PLCB1: variants seen among roughly 807,000 people sequenced by gnomAD.
PLCB1 encodes 1-phosphatidylinositol 4,5-bisphosphate phosphodiesterase beta-1.
Under a neutral mutation model 161.8 loss-of-function variants are expected in PLCB1, and 46 were observed. That is an observed-to-expected ratio of 0.28 (90% CI 0.22 to 0.36). The LOEUF (loss-of-function observed/expected upper bound fraction) is 0.36. PLCB1 is among the 10% of genes least tolerant of loss of function. PLCB1 has a pLI of 1.00. For synonymous variants in PLCB1, 517 were observed against 503.7 expected (o/e 1.03, Z -0.35); for missense variants, 1,016 against 1,472.5 (o/e 0.69, Z 5.07).
At chr20:8,209,943 T>A (rs148072283) in intron 2 of PLCB1, among the ~76,000 whole-genome samples, 34 of 152,224 alleles carry the variant, frequency 2.2e-4, no homozygotes, top group African/African-American at 8.2e-4. Flanking sequence ...GCACAAGTGA[T>A]CCTCCCACCT....
At chr20:8,163,266 G>T (rs2051643747) in intron 2 of PLCB1, among the ~76,000 whole-genome samples, 1 of 152,190 alleles carries the variant, frequency 6.6e-6, no homozygotes, top group Non-Finnish European at 1.5e-5. Context: ...AGAGGAGAGG[G>T]AGCAGTGGTA....
chr20:8,228,401 C>A lies in PLCB1; in HGVS notation c.177+78030C>A, dbSNP rs138786204. ...TTCCTCTCTGTTCCTTGCCATCCACCTATCCTTCTGGATTGCTGGAATGGC... is the reference window on the plus strand; with the variant it reads ...TTCCTCTCTGTTCCTTGCCATCCACATATCCTTCTGGATTGCTGGAATGGC... On this transcript the variant is annotated intron_variant, in intron 2 of 31. Transcript: ENST00000338037. Among the ~76,000 whole-genome samples the A allele has an allele frequency of 9.8e-3, 1,486 of 152,196 alleles. 24 individuals carry two copies. The highest frequency in any genetic ancestry group is 0.033 in the African/African-American group (1,359 of 41,520).
At chr20:8,224,580 G>A (rs1329298789) in intron 2 of PLCB1, among the ~76,000 whole-genome samples, 1 of 152,088 alleles carries the variant, frequency 6.6e-6, no homozygotes, top group African/African-American at 2.4e-5. Flanking sequence ...TAATCATCAC[G>A]CAGCATATCA....
intron 3 of PLCB1, among the ~76,000 whole-genome samples, chr20:8,527,486 T>C (rs948357271): frequency 2.0e-5 from 3 of 152,152 alleles, no homozygotes; most frequent in Admixed American, 6.6e-5. Context: ...AGTAAGAATG[T>C]TGGTTGCCCA....
intron 31 of PLCB1, among the ~76,000 whole-genome samples, chr20:8,815,047 G>A (rs533419686): frequency 6.6e-6 from 1 of 152,276 alleles, no homozygotes; most frequent in East Asian, 1.9e-4. Flanking sequence ...ACCCCAGTCC[G>A]CTTTGATTTC....
At chr20:8,712,322 A>T (rs1979066049) in intron 12 of PLCB1, among the ~76,000 whole-genome samples, 1 of 152,148 alleles carries the variant, frequency 6.6e-6, no homozygotes, top group Non-Finnish European at 1.5e-5. Context: ...TAAAAAAGAA[A>T]GAAAAAATGA....
At chr20:8,834,851 T>C (rs1986212828) in intron 31 of PLCB1, among the ~76,000 whole-genome samples, 1 of 144,036 alleles carries the variant, frequency 6.9e-6, no homozygotes, top group Non-Finnish European at 1.5e-5. Context: ...CAGGCTGCTG[T>C]AGAATAAAAA....
intron 3 of PLCB1, among the ~76,000 whole-genome samples, chr20:8,532,207 G>A (rs183161328): frequency 4.4e-4 from 67 of 152,256 alleles, no homozygotes; most frequent in Admixed American, 1.1e-3. Flanking sequence ...CAAAATGAGC[G>A]TTTAAACTGG....
chr20:8,739,019 G>C (rs934509286), intron 20 of PLCB1, among the ~76,000 whole-genome samples: 1 of 152,142 alleles, frequency 6.6e-6, no homozygotes, highest in Admixed American at 6.5e-5. Flanking sequence ...AGGTGTGGGG[G>C]CATGCACCTG....
At chr20:8,274,049 A>C (rs1982411106) in intron 2 of PLCB1, among the ~76,000 whole-genome samples, 1 of 152,174 alleles carries the variant, frequency 6.6e-6, no homozygotes, top group Admixed American at 6.5e-5. Context: ...GAATGGAGGC[A>C]GAAGAAACTA....
intron 31 of PLCB1, among the ~76,000 whole-genome samples, chr20:8,847,149 A>G (rs1351633154): frequency 6.6e-6 from 1 of 152,180 alleles, no homozygotes; most frequent in East Asian, 1.9e-4. Context: ...GTTTAAATCA[A>G]TTTAGTGACA....
chr20:8,302,043 C>T (rs1983934172), intron 2 of PLCB1, among the ~76,000 whole-genome samples: 2 of 152,298 alleles, frequency 1.3e-5, no homozygotes, highest in South Asian at 4.1e-4. Context: ...GTAAAAGTGT[C>T]AGTAAATGTG....
chr20:8,633,577 A>G (rs1464952327), intron 4 of PLCB1, among the ~76,000 whole-genome samples: 32 of 152,152 alleles, frequency 2.1e-4, no homozygotes, highest in Admixed American at 2.1e-3. Flanking sequence ...TCCAACATAA[A>G]AAGAATCAGA....
intron 2 of PLCB1, among the ~76,000 whole-genome samples, chr20:8,152,652 A>T (rs555603180): frequency 6.6e-6 from 1 of 152,172 alleles, no homozygotes; most frequent in African/African-American, 2.4e-5. Context: ...AAAAAATGTG[A>T]TACCTTTAAG....
At chr20:8,719,311 T>C (rs1054796296) in intron 14 of PLCB1, among the ~76,000 whole-genome samples, 3 of 152,198 alleles carry the variant, frequency 2.0e-5, no homozygotes, top group African/African-American at 4.8e-5. Context: ...TTCCTAGGTA[T>C]ATGCTTGCTA....
chr20:8,355,340 C>T (rs1271032027), intron 2 of PLCB1, among the ~76,000 whole-genome samples: 3 of 151,974 alleles, frequency 2.0e-5, no homozygotes, highest in African/African-American at 4.8e-5. Context: ...AAAAAGTATT[C>T]CTCATTTACT....
At chr20:8,525,960 C>T (rs1052657278) in intron 3 of PLCB1, among the ~76,000 whole-genome samples, 1 of 151,830 alleles carries the variant, frequency 6.6e-6, no homozygotes, top group African/African-American at 2.4e-5. Flanking sequence ...ATACTTGAAG[C>T]CTGTGTTACT....
chr20:8,810,425 A>G (rs752510710), intron 31 of PLCB1, among the ~76,000 whole-genome samples: 6 of 152,218 alleles, frequency 3.9e-5, no homozygotes, highest in East Asian at 1.9e-4. Context: ...GGAGGCTGGT[A>G]TGAGGGAGAG....
chr20:8,460,388 C>T (rs757112559), intron 3 of PLCB1, among the ~76,000 whole-genome samples: 1 of 152,220 alleles, frequency 6.6e-6, no homozygotes, highest in Non-Finnish European at 1.5e-5. Flanking sequence ...AAGTGCATCC[C>T]ACTCAGAGCT....
Sources: gnomAD v4.1 joint callset for allele counts (sites outside exome capture counted in the v4.1 genomes callset) on GRCh38, gnomAD v4.1.1 for gene constraint, MANE v1.5 for transcripts, NCBI Gene and HGNC (gene_info 2026-07-23, HGNC 2026-07-21) for gene names.